Variants in DCC observed in about 807,000 individuals in gnomAD.
The protein encoded by DCC is netrin receptor DCC.
In DCC, 58 loss-of-function variants were observed where a neutral mutation model predicts 172.5. The observed-to-expected ratio is 0.34, with a 90% CI of 0.27 to 0.42. DCC has a LOEUF of 0.42. DCC is among the 10% of genes least tolerant of loss of function. DCC has a pLI of 1.00. For missense variants in DCC, 1,740 were observed against 1,791.0 expected, an observed-to-expected ratio of 0.97 and a Z score of 0.51; for synonymous variants, 709 against 644.5, an observed-to-expected ratio of 1.10 and a Z score of -1.52.
intron 1 of DCC, among the ~76,000 whole-genome samples, chr18:52,556,633 C>T (rs3017244): frequency 6.6e-6 from 1 of 152,100 alleles, no homozygotes; most frequent in Admixed American, 6.6e-5. Flanking sequence ...ATTTGAGATG[C>T]TAATGAGACA....
intron 1 of DCC, among the ~76,000 whole-genome samples, chr18:52,687,531 C>A (rs752116803): frequency 1.2e-4 from 18 of 152,056 alleles, no homozygotes; most frequent in Non-Finnish European, 4.4e-5. Context: ...GTGATCCGCC[C>A]ACCTTGGCCT....
intron 1 of DCC, among the ~76,000 whole-genome samples, chr18:52,400,022 A>G (rs780688902): frequency 2.6e-5 from 4 of 152,036 alleles, no homozygotes; most frequent in Non-Finnish European, 5.9e-5. Flanking sequence ...TATACCAAAT[A>G]CCATTCTATG....
chr18:53,017,212 A>G (rs1002804347), intron 5 of DCC, among the ~76,000 whole-genome samples: 2 of 151,864 alleles, frequency 1.3e-5, no homozygotes, highest in African/African-American at 4.8e-5. Context: ...CGTAGCTGGG[A>G]CTACAGGCGC....
At chr18:53,271,251 T>A (rs983312139) in intron 12 of DCC, among the ~76,000 whole-genome samples, 1 of 152,142 alleles carries the variant, frequency 6.6e-6, no homozygotes, top group Non-Finnish European at 1.5e-5. Flanking sequence ...AGATGAGATA[T>A]TTAAAGGAGG....
rs542057307 is a variant in DCC, at chr18:52,710,182, T to A, written c.92-41872T>A. On this transcript the variant is annotated intron_variant, in intron 1 of 28. Transcript: ENST00000442544. ...TTTTTAACTGAAAAAATGGGAAATA[T>A]CCTATATTGCCATCCATATGGAAAT... Among the ~76,000 whole-genome samples the A allele has an allele frequency of 7.2e-5, 11 of 152,354 alleles. No individual in the cohort carries two copies. In the South Asian group the frequency reaches 1.7e-3, roughly 23 times the overall value.
intron 26 of DCC, among the ~76,000 whole-genome samples, chr18:53,494,229 G>GT (rs1431436504): frequency 6.6e-6 from 1 of 152,172 alleles, no homozygotes; most frequent in East Asian, 1.9e-4. Context: ...TTGCTGAAGA[G>GT]TGTTTTACCT....
rs550108154 is a variant in DCC at position 53,358,722 on chromosome 18, A to G, written c.2359+18815A>G. Among the ~76,000 whole-genome samples the G allele has an allele frequency of 1.1e-4, 16 of 151,974 alleles. No individual in the cohort carries two copies. In the East Asian group the frequency reaches 3.1e-3, roughly 29 times the overall value. On this transcript the variant is annotated intron_variant, in intron 15 of 28. Transcript: ENST00000442544. ...TTTTTAGTAAAGATGAGGTTTCACC[A>G]TGTTGGCCAGGCTGGTCTCAAACTC...
At chr18:53,128,097 A>G (rs1362375084) in intron 7 of DCC, among the ~76,000 whole-genome samples, 2 of 152,144 alleles carry the variant, frequency 1.3e-5, no homozygotes, top group African/African-American at 2.4e-5. Context: ...GTGTTAAGCT[A>G]TGTTACTTAT....
chr18:53,158,613 T>C (rs1030128843), intron 8 of DCC, among the ~76,000 whole-genome samples: 29 of 151,942 alleles, frequency 1.9e-4, no homozygotes, highest in Non-Finnish European at 8.8e-5. Context: ...GGTCTCAAAA[T>C]GCTCTCCTTT....
intron 2 of DCC, among the ~76,000 whole-genome samples, chr18:52,843,087 A>G (rs184888198): frequency 6.6e-6 from 1 of 152,320 alleles, no homozygotes; most frequent in Non-Finnish European, 1.5e-5. Flanking sequence ...TACAGCCTTT[A>G]CTGTATGGAT....
At chr18:53,057,056 A>T (rs796709204) in intron 5 of DCC, among the ~76,000 whole-genome samples, 1 of 145,784 alleles carries the variant, frequency 6.9e-6, no homozygotes, top group African/African-American at 2.6e-5. Context: ...AGAATAGCTG[A>T]ATAGCTAAGT....
At chr18:52,520,755 A>G (rs143136381) in intron 1 of DCC, among the ~76,000 whole-genome samples, 135 of 152,168 alleles carry the variant, frequency 8.9e-4, no homozygotes, top group African/African-American at 3.1e-3. Context: ...GAATTTCCTA[A>G]TAGTGTTAAG....
chr18:52,913,192 G>A (rs2039995647), intron 3 of DCC, among the ~76,000 whole-genome samples: 1 of 152,026 alleles, frequency 6.6e-6, no homozygotes, highest in African/African-American at 2.4e-5. Flanking sequence ...TAGTAGGTCA[G>A]GTCATTTAAC....
intron 1 of DCC, among the ~76,000 whole-genome samples, chr18:52,645,728 G>T (rs759007247): frequency 2.0e-5 from 3 of 152,260 alleles, no homozygotes; most frequent in Middle Eastern, 3.4e-3. Flanking sequence ...CATGCAGCCC[G>T]TTCAGATGTA....
At chr18:52,764,136 G>T (rs76269308) in intron 2 of DCC, among the ~76,000 whole-genome samples, 5,206 of 152,290 alleles carry the variant, frequency 0.034, 128 homozygotes, top group Admixed American at 0.048. Context: ...CATTTTATTA[G>T]CCTGGACCTA....
chr18:53,517,776 G>A (rs956888043), intron 27 of DCC, among the ~76,000 whole-genome samples: 11 of 152,138 alleles, frequency 7.2e-5, no homozygotes, highest in African/African-American at 2.7e-4. Flanking sequence ...TCTCTCCCCA[G>A]AAGTGGCATT....
intron 26 of DCC, among the ~76,000 whole-genome samples, chr18:53,499,096 C>T (rs75583370): frequency 0.026 from 3,974 of 152,194 alleles, 82 homozygotes; most frequent in Non-Finnish European, 0.042. Context: ...CCTGCTGGAT[C>T]TATTTCTATT....
At chr18:52,756,715 C>T (rs4334396) in intron 2 of DCC, among the ~76,000 whole-genome samples, 107,993 of 151,976 alleles carry the variant, frequency 0.71, 40,752 homozygotes, top group East Asian at 0.89. Context: ...CTACTCTAAA[C>T]GTTGCCAGCT....
At chr18:52,460,120 G>A (rs1464209070) in intron 1 of DCC, among the ~76,000 whole-genome samples, 2 of 151,946 alleles carry the variant, frequency 1.3e-5, no homozygotes, top group African/African-American at 2.4e-5. Flanking sequence ...ACACTCCTTT[G>A]TTCTCACTTC....
Sources: gnomAD v4.1 joint callset for allele counts (sites outside exome capture counted in the v4.1 genomes callset) on GRCh38, gnomAD v4.1.1 for gene constraint, MANE v1.5 for transcripts, NCBI Gene and HGNC (gene_info 2026-07-23, HGNC 2026-07-21) for gene names.